Variants in PTCHD4 observed in about 807,000 individuals in gnomAD.
PTCHD4 encodes the protein patched domain-containing protein 4.
A neutral mutation model predicts 58.1 loss-of-function variants in PTCHD4; 33 were observed. The ratio of observed to expected loss-of-function variants is 0.57; its 90% CI spans 0.43 to 0.76. PTCHD4 has a LOEUF of 0.76. PTCHD4 is among the 30% of genes least tolerant of loss of function. The pLI is 0.00. For synonymous variants in PTCHD4, 478 were observed against 409.6 expected (o/e 1.17, Z -2.02); for missense variants, 1,058 against 1,027.1 (o/e 1.03, Z -0.41).
rs1193860994 is a variant in PTCHD4 at position 47,878,991 on chromosome 6, T to A, written c.1844A>T (p.Lys615Met). The change falls in exon 5 of 5, where the codon AAG (lysine) becomes ATG (methionine). Residue 615 changes from lysine (K) to methionine (M), a missense_variant. Physicochemically the swap from Lys to Met is moderately conservative, Grantham distance 95 (BLOSUM62 -1). Coordinates refer to ENST00000339488, the MANE Select transcript of PTCHD4 (RefSeq NM_001384253.1). Reference protein sequence around the residue: ...LYLVARTSRDKQKEITEVLEK... With the variant: ...LYLVARTSRDMQKEITEVLEK... ...CAACACTTCTGTGATTTCTTTCTGC[T>A]TGTCTCTGCTAGTCCTGGCCACCAG... 6 of 1,613,312 alleles carry A rather than the reference T, an allele frequency of 3.7e-6. No individual in the cohort carries two copies. Among genetic ancestry groups the A allele is most frequent in the Non-Finnish European group, 4.2e-6 (5 of 1,179,772 alleles).
chr6:48,049,219 G>A (rs1764147009), intron 3 of PTCHD4, among the ~76,000 whole-genome samples: 1 of 151,814 alleles, frequency 6.6e-6, no homozygotes, highest in African/African-American at 2.4e-5. Flanking sequence ...TCTAGAGGGT[G>A]GAGGCCAGGA....
chr6:48,029,820 A>C (rs963329110), intron 3 of PTCHD4, among the ~76,000 whole-genome samples: 1 of 152,152 alleles, frequency 6.6e-6, no homozygotes, highest in Non-Finnish European at 1.5e-5. Context: ...GCATAAAATC[A>C]GATATGACCA....
chr6:47,890,773 G>T (rs2022336), intron 4 of PTCHD4: 15,916 of 405,634 alleles, frequency 0.039, 380 homozygotes, highest in Non-Finnish European at 0.044. Flanking sequence ...CCTTGGTGCT[G>T]CCAAAAGATG....
chr6:47,982,173 G>T (rs1373747208), intron 4 of PTCHD4, among the ~76,000 whole-genome samples: 1 of 152,040 alleles, frequency 6.6e-6, no homozygotes, highest in Non-Finnish European at 1.5e-5. Flanking sequence ...TATAGTTTGG[G>T]GTTGTGACTC....
intron 4 of PTCHD4, among the ~76,000 whole-genome samples, chr6:47,927,756 T>C (rs1765672205): frequency 6.6e-6 from 1 of 151,786 alleles, no homozygotes; most frequent in Admixed American, 6.6e-5. Context: ...AAGTCAATGG[T>C]TTTTTATTTA....
At chr6:48,107,787 A>G (rs549007650) in intron 1 of PTCHD4, among the ~76,000 whole-genome samples, 8 of 152,328 alleles carry the variant, frequency 5.3e-5, no homozygotes, top group South Asian at 4.1e-4. Context: ...AAAAGTGGGC[A>G]AAGGATATGA....
intron 3 of PTCHD4, among the ~76,000 whole-genome samples, chr6:48,036,445 G>A (rs1763639377): frequency 6.6e-6 from 1 of 152,134 alleles, no homozygotes; most frequent in Non-Finnish European, 1.5e-5. Flanking sequence ...TAAGTTTTAA[G>A]TTGCAAAACC....
In PTCHD4 at chr6:47,862,777, G is replaced by A. The variant is rs887761062; in HGVS notation, c.*15526C>T. Among the ~76,000 whole-genome samples the A allele has an allele frequency of 6.6e-6, 1 of 151,762 alleles. No homozygotes were observed. Among genetic ancestry groups the A allele is most frequent in the Non-Finnish European group, 1.5e-5 (1 of 67,822 alleles). The stretch of plus-strand genomic sequence containing the variant: ...ATTTCCACACAGACCCATTAATACT[G>A]TTTCCTTTGGAATTGTAATACTCAT... On this transcript the variant is annotated 3_prime_UTR_variant, in exon 5 of 5. Coordinates refer to ENST00000339488, the MANE Select transcript of PTCHD4 (RefSeq NM_001384253.1).
intron 1 of PTCHD4, among the ~76,000 whole-genome samples, chr6:48,084,491 T>C (rs982608744): frequency 6.6e-6 from 1 of 152,172 alleles, no homozygotes; most frequent in African/African-American, 2.4e-5. Context: ...TGGAAGAGTG[T>C]ACATCTAGTT....
chr6:47,893,632 T>C (rs1360888600), intron 4 of PTCHD4, among the ~76,000 whole-genome samples: 2 of 152,196 alleles, frequency 1.3e-5, no homozygotes, highest in Non-Finnish European at 2.9e-5. Flanking sequence ...AATAACAGTA[T>C]CTGCTTCAAA....
At chr6:48,026,607 C>T (rs1042792477) in intron 3 of PTCHD4, among the ~76,000 whole-genome samples, 7 of 152,088 alleles carry the variant, frequency 4.6e-5, no homozygotes, top group African/African-American at 1.7e-4. Flanking sequence ...TTCCTTAGCT[C>T]CCTACATTCA....
intron 3 of PTCHD4, among the ~76,000 whole-genome samples, chr6:48,043,334 G>A (rs1763911887): frequency 6.6e-6 from 1 of 151,782 alleles, no homozygotes; most frequent in South Asian, 2.1e-4. Flanking sequence ...ATGTCCAGAT[G>A]TCAATCTGAA....
chr6:47,894,829 T>A (rs951089001), intron 4 of PTCHD4, among the ~76,000 whole-genome samples: 5 of 152,204 alleles, frequency 3.3e-5, no homozygotes, highest in African/African-American at 1.2e-4. Context: ...AGGCAAAGAT[T>A]CATCAAGAAA....
At chr6:48,042,544 C>CAGAG (rs2114154056) in intron 3 of PTCHD4, among the ~76,000 whole-genome samples, 1 of 151,926 alleles carries the variant, frequency 6.6e-6, no homozygotes, top group African/African-American at 2.4e-5. Flanking sequence ...AAGTCTTTCA[C>CAGAG]AGAGGCTGAA....
chr6:48,021,999 CA>C (rs1763087506), intron 3 of PTCHD4, among the ~76,000 whole-genome samples: 1 of 152,058 alleles, frequency 6.6e-6, no homozygotes, highest in Non-Finnish European at 1.5e-5. Context: ...AATGTGAAAT[CA>C]ATAACGTAGC....
chr6:48,016,020 T>C (rs1762854301), intron 3 of PTCHD4, among the ~76,000 whole-genome samples: 1 of 149,848 alleles, frequency 6.7e-6, no homozygotes, highest in Non-Finnish European at 1.5e-5. Flanking sequence ...AATTTGAGGC[T>C]GATACAGAAA....
rs1581798571 is a variant in PTCHD4 at position 47,867,079 on chromosome 6, A to G, written c.*11224T>C. Among the ~76,000 whole-genome samples, 4 of 151,968 alleles carry G rather than the reference A, an allele frequency of 2.6e-5. No individual in the cohort carries two copies. The highest frequency in any genetic ancestry group is 2.6e-4 in the Admixed American group (4 of 15,226). ...TGTTTTCTTTCTGGGAACAATCTATAAATCAGGGACAATAATACCTATTCT... is the reference window on the plus strand; with the variant it reads ...TGTTTTCTTTCTGGGAACAATCTATGAATCAGGGACAATAATACCTATTCT... On this transcript the variant is annotated 3_prime_UTR_variant, in exon 5 of 5. Coordinates refer to ENST00000339488, the MANE Select transcript of PTCHD4 (RefSeq NM_001384253.1).
chr6:47,864,315 T>TACACACACAC lies in PTCHD4; in HGVS notation c.*13978_*13987dup, dbSNP rs57323341. On this transcript the variant is annotated 3_prime_UTR_variant, in exon 5 of 5. Coordinates refer to ENST00000339488, the MANE Select transcript of PTCHD4 (RefSeq NM_001384253.1). ...GCCCATTATTTTTGAGATATATATATACACACACACACACATATATATATA... is the reference window on the plus strand; with the variant it reads ...GCCCATTATTTTTGAGATATATATATACACACACACACACACACACACACATATATATATA... Among the ~76,000 whole-genome samples, 30 of 148,898 alleles carry TACACACACAC rather than the reference T, an allele frequency of 2.0e-4. No individual in the cohort carries two copies. The highest frequency in any genetic ancestry group is 6.9e-4 in the African/African-American group (28 of 40,744).
chr6:48,054,964 CA>C (rs1161115579), intron 3 of PTCHD4, among the ~76,000 whole-genome samples: 2 of 152,180 alleles, frequency 1.3e-5, no homozygotes, highest in African/African-American at 4.8e-5. Flanking sequence ...CTAACAATAC[CA>C]TTTTTTGATC....
Sources: gnomAD v4.1 joint callset for allele counts (sites outside exome capture counted in the v4.1 genomes callset) on GRCh38, gnomAD v4.1.1 for gene constraint, MANE v1.5 for transcripts, NCBI Gene and HGNC (gene_info 2026-07-23, HGNC 2026-07-21) for gene names.